COL6A3: variants seen among roughly 807,000 people sequenced by gnomAD.
COL6A3 encodes the protein collagen type VI alpha 3 chain.
In COL6A3, 137 loss-of-function variants were observed where a neutral mutation model predicts 274.1. The observed-to-expected ratio is 0.50, with a 90% CI of 0.44 to 0.58. The LOEUF is 0.58. COL6A3 is among the 20% of genes least tolerant of loss of function. The pLI is 0.00. For synonymous variants in COL6A3, 1,650 were observed against 1,650.6 expected, an observed-to-expected ratio of 1.00 and a Z score of 0.01; for missense variants, 3,950 against 4,124.9, an observed-to-expected ratio of 0.96 and a Z score of 1.16.
chr2:237,342,206 A>T, intron 36 of COL6A3, 45 bp from the exon 37 acceptor site: 1 of 1,466,708 alleles, frequency 6.8e-7, no homozygotes, highest in Non-Finnish European at 9.5e-7. Flanking sequence ...GTACATGATC[A>T]GTAATATCTG....
At chr2:237,365,277 C>G (rs2077526296) in intron 12 of COL6A3, among the ~76,000 whole-genome samples, 2 of 151,538 alleles carry the variant, frequency 1.3e-5, no homozygotes, top group South Asian at 4.2e-4. Context: ...AATGTCTGTT[C>G]CAAAAGCCCG....
At chr2:237,370,470 C>T (rs548429147) in intron 9 of COL6A3, among the ~76,000 whole-genome samples, 21 of 152,226 alleles carry the variant, frequency 1.4e-4, no homozygotes, top group African/African-American at 4.8e-4. Flanking sequence ...AACTCCTGGC[C>T]TCATGATCAG....
At chr2:237,383,079 G>A (rs914735990) in intron 4 of COL6A3, among the ~76,000 whole-genome samples, 4 of 152,180 alleles carry the variant, frequency 2.6e-5, no homozygotes, top group African/African-American at 9.7e-5. Flanking sequence ...GATTACAAGG[G>A]TGAGCCACCA....
rs1311630536 is a variant in COL6A3, at chr2:237,340,769, C to A, written c.8147G>T (p.Gly2716Val). 5 of 1,614,066 alleles carry A rather than the reference C, an allele frequency of 3.1e-6. No individual in the cohort carries two copies. In the Admixed American group the frequency reaches 6.7e-5, roughly 22 times the overall value. Residue 2716 changes from glycine (G) to valine (V), a missense_variant, in exon 38 of 44, where the codon GGC (glycine) becomes GTC (valine). This residue lies in a region of COL6A3 where 1,284 missense variants were observed against 1,349.7 expected (regional missense o/e 0.95). Transcript: ENST00000295550. Reference sequence around the variant, plus strand: ...CTCTATGGTGTATTCAATGGCACTGCCTAAGGCCCTGGTTCCCTGCAACTG... The same window carrying A: ...CTCTATGGTGTATTCAATGGCACTGACTAAGGCCCTGGTTCCCTGCAACTG... ...MTQLQGTRAL[G>V]SAIEYTIENV...
At chr2:237,363,461 T>C in intron 13 of COL6A3, 63 bp from the exon 14 acceptor site, 1 of 1,586,002 alleles carries the variant, frequency 6.3e-7, no homozygotes, top group East Asian at 2.2e-5. Context: ...ATGTCCTTTT[T>C]TCCTGACTAC....
chr2:237,380,817 T>C, intron 5 of COL6A3, 98 bp downstream of exon 5: 1 of 1,109,138 alleles, frequency 9.0e-7, no homozygotes, highest in Admixed American at 2.0e-5. Flanking sequence ...TCATTTGTTG[T>C]CTCTTAGCTA....
At chr2:237,324,837 G>C in intron 43 of COL6A3, 23 bp from the exon 44 acceptor site, 2 of 1,611,910 alleles carry the variant, frequency 1.2e-6, no homozygotes, top group Middle Eastern at 1.7e-4. Context: ...AGAGGGGGTG[G>C]GTGGGGTGAG....
Position 237,340,855 on chromosome 2 carries a change from G to C in COL6A3, c.8061C>G (p.Phe2687Leu). ...CCTTGGAGCCATAGTCAGTCAGGGA[G>C]AATTCCACCTTCACAGGTGGCATGC... ...NASMPPVKVE[F>L]SLTDYGSKEK... Residue 2687 changes from phenylalanine (F) to leucine (L), a missense_variant, in exon 38 of 44, where the codon TTC becomes TTG. Physicochemically the swap from Phe to Leu is conservative, Grantham distance 22. Coordinates refer to ENST00000295550, the MANE Select transcript of COL6A3 (RefSeq NM_004369.4). The C allele has an allele frequency of 6.2e-7, 1 of 1,614,114 alleles. No individual in the cohort carries two copies. Among genetic ancestry groups the C allele is most frequent in the Non-Finnish European group, 8.5e-7 (1 of 1,179,962 alleles).
chr2:237,370,695 T>C (rs1266717139), intron 9 of COL6A3, among the ~76,000 whole-genome samples: 7 of 152,202 alleles, frequency 4.6e-5, no homozygotes, highest in African/African-American at 1.2e-4. Flanking sequence ...TCATACACAA[T>C]TGGGCAATTT....
At chr2:237,406,545 CA>C (rs1176410209) in intron 1 of COL6A3, among the ~76,000 whole-genome samples, 1 of 152,136 alleles carries the variant, frequency 6.6e-6, no homozygotes, top group East Asian at 1.9e-4. Context: ...AGTCAAATTT[CA>C]GTAAATTTGA....
intron 4 of COL6A3, among the ~76,000 whole-genome samples, chr2:237,382,458 G>A (rs1344441982): frequency 6.6e-6 from 1 of 152,080 alleles, no homozygotes; most frequent in East Asian, 1.9e-4. Flanking sequence ...AAACCATAAA[G>A]CAAAAACATC....
In COL6A3 at chr2:237,361,300, T is replaced by C. The variant is rs1187317254; in HGVS notation, c.6157-126A>G. Reference sequence around the variant, plus strand: ...AACTCAGCATGGCTTTCCCTGTTACTGCTTTTCCCCTCAGTACACCATGTC... The same window carrying C: ...AACTCAGCATGGCTTTCCCTGTTACCGCTTTTCCCCTCAGTACACCATGTC... On this transcript the variant is annotated intron_variant, in intron 15 of 43. Coordinates refer to ENST00000295550, the MANE Select transcript of COL6A3 (RefSeq NM_004369.4). This position sits in a 1 kb window ranked among gnomAD's most constrained non-coding sequence, Gnocchi z 5.1. 2 of 820,634 alleles carry C rather than the reference T, an allele frequency of 2.4e-6. No homozygotes were observed. Among genetic ancestry groups the C allele is most frequent in the Non-Finnish European group, 4.2e-6 (2 of 479,124 alleles). The allele number at this position is 820,634 out of a possible 1,614,324, so 50.8% of individuals were successfully genotyped here.
intron 4 of COL6A3, among the ~76,000 whole-genome samples, chr2:237,385,901 A>T (rs2078132862): frequency 6.6e-6 from 1 of 152,230 alleles, no homozygotes; most frequent in African/African-American, 2.4e-5. Flanking sequence ...TTATGGTCCC[A>T]TCAAGTGAGA....
At chr2:237,388,997 C>G (rs569995476) in intron 3 of COL6A3, among the ~76,000 whole-genome samples, 1 of 152,114 alleles carries the variant, frequency 6.6e-6, no homozygotes, top group Admixed American at 6.5e-5. Context: ...GATATGAAAC[C>G]GGTCATGACA....
In COL6A3 at chr2:237,364,563, A is replaced by G. The variant is rs2077506770; in HGVS notation, c.5839-135T>C. 9.7e-6 allele frequency: 7 copies of G among 719,226 alleles called. No homozygotes were observed. The Admixed American group carries it at 1.4e-4, about 14-fold the overall frequency. The allele number at this position is 719,226 out of a possible 1,614,324, so 44.6% of individuals were successfully genotyped here. ...GGAAACTGAGGGCCCAAGTTGAGGA[A>G]TGATTACCCATGTTCACAAGACTTT... On this transcript the variant is annotated intron_variant, in intron 12 of 43. Coordinates refer to ENST00000295550, the MANE Select transcript of COL6A3 (RefSeq NM_004369.4). This position sits in a 1 kb window ranked among gnomAD's most constrained non-coding sequence, Gnocchi z 4.6.
At position 237,366,693 on chromosome 2, in the gene COL6A3, C is replaced by T. The variant is rs1444138920; in HGVS notation, c.5494G>A (p.Ala1832Thr). 6.2e-7 allele frequency: 1 copy of T among 1,614,112 alleles called. No homozygotes were observed. Among genetic ancestry groups the T allele is most frequent in the African/African-American group, 1.3e-5 (1 of 74,932 alleles). Residue 1832 changes from alanine to threonine, a missense_variant, in exon 11 of 44, where the codon GCC (alanine) becomes ACC (threonine). By Grantham distance (58) the Ala-to-Thr change is moderately conservative (BLOSUM62 0). Coordinates refer to ENST00000295550, the MANE Select transcript of COL6A3 (RefSeq NM_004369.4). ...TGCACATAATGGGAGTTACCTTTGG[C>T]AGCATCAGTTACACCAGGGCAAAGG... Reference protein sequence around the residue: ...ETLCPGVTDAAKACNLDVILG... With the variant: ...ETLCPGVTDATKACNLDVILG...
rs765527121 is a variant in COL6A3 at position 237,394,635 on chromosome 2, C to T, written c.661G>A (p.Val221Met). Residue 221 changes from valine to methionine, a missense_variant, in exon 3 of 44, where the codon GTG becomes ATG. Val to Met is a conservative substitution (Grantham distance 21, BLOSUM62 1). This residue lies in a region of COL6A3 where 1,934 missense variants were observed against 1,984.3 expected (regional missense o/e 0.97). Transcript: ENST00000295550. Reference protein sequence around the residue: ...GNLVSCVHSSVSPERAGDTET... With the variant: ...GNLVSCVHSSMSPERAGDTET... Reference sequence around the variant, plus strand: ...GTGTCCCCAGCCCTTTCTGGACTCACGGATGAATGCACACAGGACACTAAG... The same window carrying T: ...GTGTCCCCAGCCCTTTCTGGACTCATGGATGAATGCACACAGGACACTAAG... 47 of 1,614,020 alleles carry T rather than the reference C, an allele frequency of 2.9e-5. No individual in the cohort carries two copies. The highest frequency in any genetic ancestry group is 5.0e-5 in the Admixed American group (3 of 59,994).
chr2:237,357,041 C>T lies in COL6A3; in HGVS notation c.6591+297G>A, dbSNP rs10929228. 0.62 allele frequency: 298,959 copies of T among 478,930 alleles called. 94,436 individuals carry two copies. Among genetic ancestry groups the T allele is most frequent in the East Asian group, 0.69 (18,969 of 27,464 alleles). 29.7% of individuals were successfully genotyped at this position (478,930 alleles called of 1,614,324 possible). A position where few individuals can be genotyped will look rare whatever the true frequency, so the allele number is the denominator to read the frequency against. ...CCAGTATTAGGATTTCCATTTGGGT[C>T]TCTTAAATATTTAGTTGGATCAAAC... On this transcript the variant is annotated intron_variant, in intron 23 of 43. Coordinates refer to ENST00000295550, the MANE Select transcript of COL6A3 (RefSeq NM_004369.4).
intron 1 of COL6A3, among the ~76,000 whole-genome samples, chr2:237,405,731 G>A (rs181344376): frequency 1.3e-5 from 2 of 152,198 alleles, no homozygotes; most frequent in Admixed American, 1.3e-4. Flanking sequence ...AAGCTCATGG[G>A]AAGAACCCCG....
Sources: allele counts gnomAD v4.1 joint callset (sites outside exome capture counted in the v4.1 genomes callset), GRCh38; gene constraint gnomAD v4.1.1; regional missense constraint gnomAD v4.1.1; non-coding constraint Gnocchi (gnomAD v3.1); transcripts MANE v1.5; gene names NCBI Gene and HGNC (gene_info 2026-07-23, HGNC 2026-07-21).